The following GRIA1 variants were observed in gnomAD, a reference collection of about 807,000 sequenced individuals.
GRIA1 encodes the protein glutamate receptor 1.
Under a neutral mutation model 99.2 loss-of-function variants are expected in GRIA1, and 31 were observed. The ratio of observed to expected loss-of-function variants is 0.31; its 90% CI spans 0.23 to 0.42. GRIA1 has a LOEUF of 0.42. Among genes scored for constraint, GRIA1 ranks in the 10% least tolerant of loss-of-function variants. The pLI, the probability that GRIA1 is intolerant of heterozygous loss-of-function variation, is 1.00. For missense variants in GRIA1, 782 were observed against 1,157.5 expected (o/e 0.68, Z 4.71); for synonymous variants, 438 against 432.4 (o/e 1.01, Z -0.16).
intron 2 of GRIA1, among the ~76,000 whole-genome samples, chr5:153,589,492 T>C (rs137912290): frequency 2.6e-5 from 4 of 152,296 alleles, no homozygotes; most frequent in African/African-American, 9.6e-5. Flanking sequence ...AAATTTATTA[T>C]AAAAGGGTAT....
At chr5:153,782,913 C>G (rs938350715) in intron 13 of GRIA1, among the ~76,000 whole-genome samples, 5 of 152,170 alleles carry the variant, frequency 3.3e-5, no homozygotes, top group African/African-American at 9.7e-5. Flanking sequence ...AACAAAACCT[C>G]TCATGGAATC....
chr5:153,696,704 A>T (rs1454920568), intron 8 of GRIA1, among the ~76,000 whole-genome samples: 2 of 152,202 alleles, frequency 1.3e-5, no homozygotes, highest in Non-Finnish European at 2.9e-5. Context: ...AGACCTGTTC[A>T]TCCCAATGCA....
At chr5:153,546,831 C>T (rs1185428935) in intron 2 of GRIA1, among the ~76,000 whole-genome samples, 2 of 152,138 alleles carry the variant, frequency 1.3e-5, no homozygotes, top group African/African-American at 4.8e-5. Context: ...CCTTTGAAAC[C>T]AAGATTTTAT....
At chr5:153,514,876 C>T (rs1456275754) in intron 2 of GRIA1, among the ~76,000 whole-genome samples, 1 of 152,004 alleles carries the variant, frequency 6.6e-6, no homozygotes, top group Non-Finnish European at 1.5e-5. Context: ...CATTAATCAT[C>T]AGGAAAATGC....
At chr5:153,673,850 C>G (rs914978110) in intron 5 of GRIA1, among the ~76,000 whole-genome samples, 24 of 152,254 alleles carry the variant, frequency 1.6e-4, no homozygotes, top group Admixed American at 1.2e-3. Flanking sequence ...AATAAACAAT[C>G]CTTCATGGTT....
intron 2 of GRIA1, among the ~76,000 whole-genome samples, chr5:153,547,830 C>T (rs1221513063): frequency 6.6e-6 from 1 of 152,124 alleles, no homozygotes; most frequent in Non-Finnish European, 1.5e-5. Flanking sequence ...AGTGAATCCA[C>T]TGCAGAGTGA....
At chr5:153,573,223 CT>C (rs1762270700) in intron 2 of GRIA1, 1 of 152,118 alleles carries the variant, frequency 6.6e-6, no homozygotes, top group Non-Finnish European at 1.5e-5. Flanking sequence ...CTGGTACTGG[CT>C]TTTATATTTT....
chr5:153,810,965 C>T, intron 15 of GRIA1, 60 bp from the exon 16 acceptor site: 12 of 1,184,648 alleles, frequency 1.0e-5, no homozygotes, highest in Non-Finnish European at 1.5e-5. Context: ...AGTCTTGACT[C>T]ATTCCCATTG....
chr5:153,678,642 GA>G (rs1273054123), intron 7 of GRIA1, among the ~76,000 whole-genome samples: 1 of 152,178 alleles, frequency 6.6e-6, no homozygotes, highest in Non-Finnish European at 1.5e-5. Flanking sequence ...TTTGCAATGT[GA>G]GGCTGGTTTC....
chr5:153,637,256 T>C (rs1753433514), intron 2 of GRIA1, among the ~76,000 whole-genome samples: 1 of 152,216 alleles, frequency 6.6e-6, no homozygotes, highest in African/African-American at 2.4e-5. Context: ...AGGTTCTACT[T>C]ATCATTAATA....
intron 2 of GRIA1, among the ~76,000 whole-genome samples, chr5:153,603,797 A>T (rs904937564): frequency 6.6e-6 from 1 of 152,206 alleles, no homozygotes; most frequent in African/African-American, 2.4e-5. Context: ...GTTCTTGGGC[A>T]TGGGACCTAA....
chr5:153,652,665 A>G (rs1199343761), intron 4 of GRIA1, among the ~76,000 whole-genome samples: 1 of 152,232 alleles, frequency 6.6e-6, no homozygotes, highest in African/African-American at 2.4e-5. Context: ...AGATTGTAGC[A>G]TATTGACATT....
chr5:153,761,534 T>A (rs1561838360), intron 11 of GRIA1, among the ~76,000 whole-genome samples: 1 of 152,076 alleles, frequency 6.6e-6, no homozygotes, highest in Non-Finnish European at 1.5e-5. Flanking sequence ...CTAGCAAGGG[T>A]GTGAGGAAGG....
chr5:153,636,269 A>G (rs945738940), intron 2 of GRIA1, among the ~76,000 whole-genome samples: 1 of 152,180 alleles, frequency 6.6e-6, no homozygotes, highest in East Asian at 1.9e-4. Flanking sequence ...CAGAAAATGA[A>G]TGTAGGAGAT....
chr5:153,494,802 T>G (rs889367011), intron 2 of GRIA1, among the ~76,000 whole-genome samples: 30 of 152,210 alleles, frequency 2.0e-4, no homozygotes, highest in African/African-American at 6.0e-4. Flanking sequence ...TCATGACAGA[T>G]GAAAGCATAA....
chr5:153,682,871 T>C (rs1360581262), intron 7 of GRIA1, among the ~76,000 whole-genome samples: 2 of 152,200 alleles, frequency 1.3e-5, no homozygotes, highest in African/African-American at 4.8e-5. Context: ...AATAGAGACA[T>C]TAACCCGCAT....
chr5:153,791,985 C>T (rs532571351), intron 13 of GRIA1, among the ~76,000 whole-genome samples: 1 of 151,750 alleles, frequency 6.6e-6, no homozygotes, highest in East Asian at 1.9e-4. Flanking sequence ...CTATCCCATA[C>T]TACATGTTTT....
chr5:153,545,375 A>G (rs1216624312), intron 2 of GRIA1, among the ~76,000 whole-genome samples: 1 of 152,142 alleles, frequency 6.6e-6, no homozygotes, highest in Non-Finnish European at 1.5e-5. Context: ...TGAGTTAAAT[A>G]AGACAATTTA....
intron 2 of GRIA1, among the ~76,000 whole-genome samples, chr5:153,625,497 G>T (rs534994153): frequency 8.2e-4 from 125 of 152,264 alleles, no homozygotes; most frequent in African/African-American, 2.7e-3. Flanking sequence ...CACTGCAGGG[G>T]ATATGTTTAT....
Sources: allele counts gnomAD v4.1 joint callset (sites outside exome capture counted in the v4.1 genomes callset), GRCh38; gene constraint gnomAD v4.1.1; transcripts MANE v1.5; gene names NCBI Gene and HGNC (gene_info 2026-07-23, HGNC 2026-07-21).